Variants in TMEM163 observed in about 807,000 individuals in gnomAD.
TMEM163 encodes the protein transmembrane protein 163.
A neutral mutation model predicts 29.3 loss-of-function variants in TMEM163; 17 were observed. The ratio of observed to expected loss-of-function variants is 0.58; its 90% CI spans 0.40 to 0.87. The LOEUF (loss-of-function observed/expected upper bound fraction) is 0.87, where lower values mean the gene tolerates loss of function less well. Among genes scored for constraint, TMEM163 ranks in the 40% least tolerant of loss-of-function variants. The probability of loss-of-function intolerance (pLI) is 0.00; values close to 1 mark genes in which losing one functional copy is unlikely to be tolerated. For missense variants in TMEM163, 303 were observed against 381.5 expected, an observed-to-expected ratio of 0.79 and a Z score of 1.71; for synonymous variants, 157 against 160.6, an observed-to-expected ratio of 0.98 and a Z score of 0.17.
At chr2:134,629,932 C>G (rs1682931316) in intron 2 of TMEM163, among the ~76,000 whole-genome samples, 1 of 152,170 alleles carries the variant, frequency 6.6e-6, no homozygotes, top group Non-Finnish European at 1.5e-5. Context: ...ATGGGAACAG[C>G]TACATCTAAG....
intron 4 of TMEM163, among the ~76,000 whole-genome samples, chr2:134,509,378 A>G (rs1406330751): frequency 2.0e-5 from 3 of 152,220 alleles, no homozygotes; most frequent in Admixed American, 2.0e-4. Flanking sequence ...GATGGGGTCA[A>G]TTTATGTGGA....
intron 2 of TMEM163, among the ~76,000 whole-genome samples, chr2:134,664,195 C>T (rs1683821991): frequency 6.6e-6 from 1 of 152,228 alleles, no homozygotes; most frequent in South Asian, 2.1e-4. Flanking sequence ...CACTTCATAT[C>T]ATTGTGGAGA....
chr2:134,526,686 G>A (rs1680306377), intron 4 of TMEM163, among the ~76,000 whole-genome samples: 1 of 152,176 alleles, frequency 6.6e-6, no homozygotes, highest in Admixed American at 6.5e-5. Flanking sequence ...TAAAATCAGA[G>A]TGTAAGCTAC....
At chr2:134,532,571 TCAAA>T (rs1199177384) in intron 4 of TMEM163, among the ~76,000 whole-genome samples, 4 of 152,246 alleles carry the variant, frequency 2.6e-5, no homozygotes, top group Admixed American at 1.3e-4. Flanking sequence ...TGCTACTGCC[TCAAA>T]CAATCACATT....
chr2:134,701,256 A>G (rs1421103324), intron 2 of TMEM163, among the ~76,000 whole-genome samples: 1 of 152,200 alleles, frequency 6.6e-6, no homozygotes, highest in African/African-American at 2.4e-5. Context: ...CAATTTTTAG[A>G]AGCTAGAAAG....
intron 2 of TMEM163, among the ~76,000 whole-genome samples, chr2:134,712,823 T>C (rs1249782127): frequency 6.6e-6 from 1 of 152,166 alleles, no homozygotes; most frequent in Non-Finnish European, 1.5e-5. Context: ...CTCGCTGCAA[T>C]ATTGCACCCA....
intron 2 of TMEM163, among the ~76,000 whole-genome samples, chr2:134,601,056 TA>T (rs1682219385): frequency 6.6e-6 from 1 of 152,094 alleles, no homozygotes; most frequent in Non-Finnish European, 1.5e-5. Context: ...GCTTTCACAG[TA>T]AAAATATATA....
chr2:134,495,778 A>G lies in TMEM163; in HGVS notation c.555+7123T>C, dbSNP rs114034634. 5.5e-3 allele frequency among the ~76,000 whole-genome samples: 844 copies of G among 152,310 alleles called. 3 individuals carry two copies. The highest frequency in any genetic ancestry group is 9.2e-3 in the Non-Finnish European group (627 of 68,030). ...CCAAAACAGACTATTTTTTCCTGAAAACAGAAGATTCCAGTCTACCTAAGT... is the reference window on the plus strand; with the variant it reads ...CCAAAACAGACTATTTTTTCCTGAAGACAGAAGATTCCAGTCTACCTAAGT... On this transcript the variant is annotated intron_variant, in intron 5 of 7. Transcript: ENST00000281924.
intron 2 of TMEM163, among the ~76,000 whole-genome samples, chr2:134,671,414 C>T (rs542069652): frequency 3.9e-5 from 6 of 152,186 alleles, no homozygotes; most frequent in African/African-American, 1.4e-4. Flanking sequence ...ATGACCATGG[C>T]GCTGCCCTCC....
intron 2 of TMEM163, among the ~76,000 whole-genome samples, chr2:134,572,729 G>A (rs1012798510): frequency 6.6e-6 from 1 of 152,092 alleles, no homozygotes; most frequent in Non-Finnish European, 1.5e-5. Flanking sequence ...CTCAGAATTC[G>A]GAAGACTGTG....
At chr2:134,498,253 C>G (rs1679617034) in intron 5 of TMEM163, among the ~76,000 whole-genome samples, 1 of 152,146 alleles carries the variant, frequency 6.6e-6, no homozygotes. Flanking sequence ...AGCAGCTTCA[C>G]TCCAGCGCCA....
intron 1 of TMEM163, among the ~76,000 whole-genome samples, chr2:134,717,806 C>T (rs1685067581): frequency 6.6e-6 from 1 of 152,158 alleles, no homozygotes; most frequent in Non-Finnish European, 1.5e-5. Context: ...AAGGTGCAGA[C>T]GCGGCCAAGA....
chr2:134,637,035 T>C (rs1315361734), intron 2 of TMEM163, among the ~76,000 whole-genome samples: 2 of 152,194 alleles, frequency 1.3e-5, no homozygotes, highest in Admixed American at 6.5e-5. Flanking sequence ...ATTTGAGTAA[T>C]AATAAAACTC....
chr2:134,628,054 T>G (rs1682891324), intron 2 of TMEM163, among the ~76,000 whole-genome samples: 1 of 152,202 alleles, frequency 6.6e-6, no homozygotes, highest in African/African-American at 2.4e-5. Context: ...TGTGGGGAAA[T>G]GTCAACTCTG....
At chr2:134,705,405 A>G (rs1175999967) in intron 2 of TMEM163, among the ~76,000 whole-genome samples, 1 of 152,124 alleles carries the variant, frequency 6.6e-6, no homozygotes, top group Admixed American at 6.5e-5. Flanking sequence ...ACAACCACAC[A>G]AAGACACAGG....
chr2:134,460,724 T>A lies in TMEM163; in HGVS notation c.668-2551A>T, dbSNP rs890545799. 3.9e-5 allele frequency among the ~76,000 whole-genome samples: 6 copies of A among 152,152 alleles called. No individual in the cohort carries two copies. The highest frequency in any genetic ancestry group is 1.4e-4 in the African/African-American group (6 of 41,486). ...GACAGCCACTAGATGTCTGCTCAGCTCCACCAAGTCACCCGCTCTGCCAGC... is the reference window on the plus strand; with the variant it reads ...GACAGCCACTAGATGTCTGCTCAGCACCACCAAGTCACCCGCTCTGCCAGC... On this transcript the variant is annotated intron_variant, in intron 6 of 7. Coordinates refer to ENST00000281924, the MANE Select transcript of TMEM163 (RefSeq NM_030923.5). The surrounding 1 kb of genome is among the most constrained non-coding windows in gnomAD (Gnocchi z 4.3).
intron 2 of TMEM163, among the ~76,000 whole-genome samples, chr2:134,686,954 C>A (rs1684363719): frequency 6.6e-6 from 1 of 152,194 alleles, no homozygotes; most frequent in South Asian, 2.1e-4. Context: ...AGTTACACTA[C>A]AGGAGAGGAA....
chr2:134,642,690 G>A (rs1304453728), intron 2 of TMEM163, among the ~76,000 whole-genome samples: 1 of 152,058 alleles, frequency 6.6e-6, no homozygotes, highest in African/African-American at 2.4e-5. Flanking sequence ...GATTAAATTA[G>A]CAATCAACAA....
Position 134,713,258 on chromosome 2 carries a change from T to G in TMEM163, c.264A>C (p.Ala88=). Residue 88 remains alanine (A), a synonymous_variant, in exon 2 of 8, where the codon GCA becomes GCC. Transcript: ENST00000281924. The stretch of plus-strand genomic sequence containing the variant: ...TGATGGAGAACCAGGACACCCACAA[T>G]GCCTTCTTCCTGTAGTTCTGGGCTT... ...PHEAQNYRKK[A]LWVSWFSIIV... 6.2e-7 allele frequency: 1 copy of G among 1,614,068 alleles called. No homozygotes were observed. The highest frequency in any genetic ancestry group is 8.5e-7 in the Non-Finnish European group (1 of 1,179,990).
Sources: allele counts gnomAD v4.1 joint callset (sites outside exome capture counted in the v4.1 genomes callset), GRCh38; gene constraint gnomAD v4.1.1; non-coding constraint Gnocchi (gnomAD v3.1); transcripts MANE v1.5; gene names NCBI Gene and HGNC (gene_info 2026-07-23, HGNC 2026-07-21).